Variants in MIGA1 observed in about 807,000 individuals in gnomAD.
MIGA1 encodes the protein mitoguardin 1.
Under a neutral mutation model 82.0 loss-of-function variants are expected in MIGA1, and 58 were observed. That is an observed-to-expected ratio of 0.71 (90% CI 0.57 to 0.88). MIGA1 has a LOEUF of 0.88. Among genes scored for constraint, MIGA1 ranks in the 40% least tolerant of loss-of-function variants. The pLI is 0.00. For missense variants in MIGA1, 751 were observed against 749.1 expected, an observed-to-expected ratio of 1.00 and a Z score of -0.03; for synonymous variants, 249 against 253.6, an observed-to-expected ratio of 0.98 and a Z score of 0.17.
chr1:77,807,028 G>C lies in MIGA1; in HGVS notation c.564G>C (p.Trp188Cys). ...GCGCTTGTGGCAATTCTAATTCCTG[G>C]GACAAAGCAGATGAAGATGATATTA... Residue 188 changes from tryptophan (W) to cysteine (C), a missense_variant, in exon 5 of 16, where the codon TGG (tryptophan) becomes TGC (cysteine). By Grantham distance (215) the Trp-to-Cys change is radical. Coordinates refer to ENST00000370791, the MANE Select transcript of MIGA1 (RefSeq NM_198549.4). 6.2e-7 allele frequency: 1 copy of C among 1,609,768 alleles called. No individual in the cohort carries two copies. Among genetic ancestry groups the C allele is most frequent in the Non-Finnish European group, 8.5e-7 (1 of 1,176,492 alleles).
In MIGA1 at chr1:77,815,088, T is replaced by C. The variant is rs1018259304; in HGVS notation, c.772-20T>C. 4.8e-6 allele frequency: 7 copies of C among 1,472,634 alleles called. No homozygotes were observed. Among genetic ancestry groups the C allele is most frequent in the Non-Finnish European group, 6.4e-6 (7 of 1,093,322 alleles). 91.2% of individuals were successfully genotyped at this position (1,472,634 alleles called of 1,614,324 possible). ...ACATTAGAATTTAATTTGTTCTGTG[T>C]ACTTTTTCTCTCCTTGTAGGATATT... On this transcript the variant is annotated intron_variant, in intron 6 of 15. Coordinates refer to ENST00000370791, the MANE Select transcript of MIGA1 (RefSeq NM_198549.4).
At chr1:77,843,860 A>C (rs1684717067) in intron 8 of MIGA1, among the ~76,000 whole-genome samples, 1 of 151,926 alleles carries the variant, frequency 6.6e-6, no homozygotes, top group Non-Finnish European at 1.5e-5. Context: ...GTACTTTAGG[A>C]GGCTGAGGTG....
At chr1:77,857,206 A>C (rs1384795547) in intron 8 of MIGA1, among the ~76,000 whole-genome samples, 1 of 151,796 alleles carries the variant, frequency 6.6e-6, no homozygotes, top group African/African-American at 2.4e-5. Context: ...TTTGGAGTTG[A>C]TTTCCAGTTT....
intron 14 of MIGA1, among the ~76,000 whole-genome samples, chr1:77,870,719 G>A (rs1227298310): frequency 8.2e-5 from 12 of 146,210 alleles, no homozygotes; most frequent in Non-Finnish European, 7.6e-5. Flanking sequence ...GCACTTTGGG[G>A]GGCCAAGGCA....
chr1:77,836,028 A>G (rs1319782771), intron 7 of MIGA1, among the ~76,000 whole-genome samples: 1 of 152,220 alleles, frequency 6.6e-6, no homozygotes, highest in East Asian at 1.9e-4. Flanking sequence ...GTCATAGGCA[A>G]AATGAACCAG....
At chr1:77,835,252 G>A (rs990852437) in intron 7 of MIGA1, among the ~76,000 whole-genome samples, 5 of 152,124 alleles carry the variant, frequency 3.3e-5, no homozygotes, top group African/African-American at 7.2e-5. Context: ...TGAAAGAAGG[G>A]TAAGGCTTGG....
chr1:77,841,352 T>C (rs550006766), intron 7 of MIGA1, among the ~76,000 whole-genome samples: 1 of 150,788 alleles, frequency 6.6e-6, no homozygotes, highest in Non-Finnish European at 1.5e-5. Flanking sequence ...AGGAAAAAAA[T>C]ATGTTACATG....
chr1:77,796,122 ATT>A (rs1231574032), intron 2 of MIGA1, among the ~76,000 whole-genome samples: 2 of 142,888 alleles, frequency 1.4e-5, no homozygotes, highest in Non-Finnish European at 1.5e-5. Flanking sequence ...ATTCAACTTA[ATT>A]TTTTTTTTTT....
At chr1:77,787,359 A>G (rs1333526410) in intron 2 of MIGA1, among the ~76,000 whole-genome samples, 2 of 151,252 alleles carry the variant, frequency 1.3e-5, no homozygotes, top group Non-Finnish European at 2.9e-5. Context: ...GTATCCTTTG[A>G]AGAAATGTAT....
intron 7 of MIGA1, among the ~76,000 whole-genome samples, chr1:77,828,894 C>G (rs1684132825): frequency 6.6e-6 from 1 of 152,122 alleles, no homozygotes; most frequent in African/African-American, 2.4e-5. Context: ...ACAGGCTGGG[C>G]TCGAACTCCT....
rs1389704403 is a variant in MIGA1, at chr1:77,861,228, C to T, written c.1280C>T (p.Pro427Leu). ...AAAATGTGTTTTCTTCTTCAGAATC[C>T]AAAGAAGTTTGAAGATGTTTTTGAT... Residue 427 changes from proline (P) to leucine (L), a missense_variant, in exon 12 of 16, where the codon CCA becomes CTA. Pro to Leu is a moderately conservative substitution (Grantham distance 98). Transcript: ENST00000370791. 1.9e-6 allele frequency: 3 copies of T among 1,597,596 alleles called. No individual in the cohort carries two copies. The highest frequency in any genetic ancestry group is 1.1e-5 in the South Asian group (1 of 90,094).
intron 1 of MIGA1, chr1:77,779,953 G>C: frequency 1.5e-6 from 2 of 1,362,574 alleles, no homozygotes; most frequent in Non-Finnish European, 1.9e-6. Context: ...CAGAAGCTAA[G>C]CAGGGTCGGG....
At chr1:77,870,954 T>TGC (rs1685958035) in intron 14 of MIGA1, among the ~76,000 whole-genome samples, 1 of 147,272 alleles carries the variant, frequency 6.8e-6, no homozygotes, top group African/African-American at 2.5e-5. Flanking sequence ...GGCGTGGCGG[T>TGC]GCGCGCCTGC....
At chr1:77,782,104 A>G (rs752934353) in intron 1 of MIGA1, among the ~76,000 whole-genome samples, 1 of 152,118 alleles carries the variant, frequency 6.6e-6, no homozygotes, top group Non-Finnish European at 1.5e-5. Context: ...AGTCACTCCC[A>G]AAGTGCTCAG....
intron 7 of MIGA1, among the ~76,000 whole-genome samples, chr1:77,815,456 T>C (rs1683536528): frequency 6.6e-6 from 1 of 152,212 alleles, no homozygotes; most frequent in African/African-American, 2.4e-5. Context: ...ATAGGCAGGC[T>C]GTGACATTAT....
intron 8 of MIGA1, among the ~76,000 whole-genome samples, chr1:77,855,778 C>G (rs115729770): frequency 0.026 from 3,983 of 151,828 alleles, 93 homozygotes; most frequent in South Asian, 0.11. Context: ...TTTATCAGTT[C>G]TAGGAGCTTT....
At chr1:77,794,141 A>T (rs1279919268) in intron 2 of MIGA1, among the ~76,000 whole-genome samples, 3 of 152,208 alleles carry the variant, frequency 2.0e-5, no homozygotes, top group African/African-American at 4.8e-5. Flanking sequence ...CAAAGATTGT[A>T]CATAGAATTC....
chr1:77,801,778 A>G (rs1682895290), intron 3 of MIGA1, among the ~76,000 whole-genome samples: 1 of 152,216 alleles, frequency 6.6e-6, no homozygotes, highest in African/African-American at 2.4e-5. Context: ...ATATTGAGAC[A>G]TAAAATGTTA....
intron 8 of MIGA1, chr1:77,847,068 C>T (rs1684869870): frequency 3.9e-6 from 3 of 763,774 alleles, no homozygotes; most frequent in Admixed American, 3.5e-5. Flanking sequence ...CCAGAAACTA[C>T]ACCAACAGTA....
Sources: allele counts gnomAD v4.1 joint callset (sites outside exome capture counted in the v4.1 genomes callset), GRCh38; gene constraint gnomAD v4.1.1; transcripts MANE v1.5; gene names NCBI Gene and HGNC (gene_info 2026-07-23, HGNC 2026-07-21).